The following FUT8 variants were observed in gnomAD, a reference collection of about 807,000 sequenced individuals.
FUT8 encodes the protein fucosyltransferase 8, also known as alpha-(1,6)-fucosyltransferase.
FUT8 carries 29 observed loss-of-function variants against 71.3 expected under a neutral mutation model. The observed-to-expected ratio is 0.41, with a 90% CI of 0.30 to 0.55. The LOEUF (loss-of-function observed/expected upper bound fraction) is 0.55, where lower values mean the gene tolerates loss of function less well. Ranked by LOEUF, FUT8 falls within the 20% of genes least tolerant of loss-of-function variation. The probability of loss-of-function intolerance (pLI) is 0.34; values close to 1 mark genes in which losing one functional copy is unlikely to be tolerated. For synonymous variants in FUT8, 254 were observed against 239.3 expected (o/e 1.06, Z -0.57); for missense variants, 544 against 702.1 (o/e 0.77, Z 2.55).
At chr14:65,499,647 T>G (rs2066614458) in intron 2 of FUT8, among the ~76,000 whole-genome samples, 1 of 151,730 alleles carries the variant, frequency 6.6e-6, no homozygotes, top group Non-Finnish European at 1.5e-5. Flanking sequence ...GCCTCATATG[T>G]ATAAAAAATG....
In FUT8 at chr14:65,561,755, C is replaced by T. The variant is rs372888976; in HGVS notation, c.192C>T (p.Ala64=). 3.9e-5 allele frequency: 63 copies of T among 1,612,236 alleles called. No homozygotes were observed. The highest frequency in any genetic ancestry group is 1.6e-4 in the East Asian group (7 of 44,842). ...KQQNEDLRRM[A]ESLRIPEGPI... ...AGAATGAAGACTTGAGGCGAATGGC[C>T]GAATCTCTCCGGTAGGTCCTAAAAT... is the stretch of plus-strand genomic sequence containing the variant. The change falls in exon 3 of 11, where the codon GCC becomes GCT. Residue 64 remains alanine, a synonymous_variant. Transcript: ENST00000673929.
intron 2 of FUT8, among the ~76,000 whole-genome samples, chr14:65,485,402 T>G (rs2066394084): frequency 1.3e-5 from 2 of 152,188 alleles, no homozygotes. Flanking sequence ...ATTTGAGGCT[T>G]GCTTTTATGA....
chr14:65,452,374 G>T (rs1448472515), intron 1 of FUT8, among the ~76,000 whole-genome samples: 7 of 152,150 alleles, frequency 4.6e-5, no homozygotes, highest in African/African-American at 1.7e-4. Context: ...TTGCCGTCAA[G>T]CAGCAAAAGA....
chr14:65,714,175 G>A (rs542265656), intron 7 of FUT8, among the ~76,000 whole-genome samples: 1 of 152,244 alleles, frequency 6.6e-6, no homozygotes. Flanking sequence ...AAATGAGTCA[G>A]TGTCAATGTA....
chr14:65,439,954 G>GTGTATATA lies in FUT8; in HGVS notation c.-325-15666_-325-15665insGTATATAT. Among the ~76,000 whole-genome samples the GTGTATATA allele has an allele frequency of 6.8e-3, 506 of 74,870 alleles. 18 individuals are homozygous for GTGTATATA. The highest frequency in any genetic ancestry group is 0.02 in the African/African-American group (399 of 19,694). 49.1% of individuals were successfully genotyped at this position (74,870 alleles called of 152,430 possible). A position where few individuals can be genotyped will look rare whatever the true frequency, so the allele number is the denominator to read the frequency against. ...ATAAAGAAAATGTGTGTGTGTGTGT[G>GTGTATATA]TATATATATATATATATATATATAT... is the stretch of plus-strand genomic sequence containing the variant. On this transcript the variant is annotated intron_variant, in intron 1 of 10. Coordinates refer to ENST00000673929, the MANE Select transcript of FUT8 (RefSeq NM_001371533.1).
intron 1 of FUT8, among the ~76,000 whole-genome samples, chr14:65,424,848 C>T (rs2065358898): frequency 6.6e-6 from 1 of 151,878 alleles, no homozygotes; most frequent in Admixed American, 6.6e-5. Context: ...TTTGTAGAGA[C>T]AGGGTTTTGC....
At chr14:65,544,149 G>T (rs1566813833) in intron 2 of FUT8, among the ~76,000 whole-genome samples, 1 of 152,094 alleles carries the variant, frequency 6.6e-6, no homozygotes, top group Admixed American at 6.6e-5. Context: ...AAGGTGGAAG[G>T]AATAGCAAGA....
At chr14:65,614,238 G>C (rs1889165603) in intron 3 of FUT8, among the ~76,000 whole-genome samples, 1 of 152,082 alleles carries the variant, frequency 6.6e-6, no homozygotes, top group Non-Finnish European at 1.5e-5. Flanking sequence ...TGAGATTACA[G>C]CTCATCTCTA....
chr14:65,588,758 A>G (rs1214630406), intron 3 of FUT8, among the ~76,000 whole-genome samples: 1 of 152,154 alleles, frequency 6.6e-6, no homozygotes, highest in Admixed American at 6.5e-5. Context: ...TTCACCTAAC[A>G]TTTATTACAT....
rs559540800 is a variant in FUT8 at position 65,466,357 on chromosome 14, T to C, written c.-228+10639T>C. Among the ~76,000 whole-genome samples the C allele has an allele frequency of 7.9e-4, 121 of 152,360 alleles. No homozygotes were observed. The Middle Eastern group carries it at 0.01, about 13-fold the overall frequency. ...CTCATTGTCCTTGTTCTTTCTTTTT[T>C]CGTCTTTCACTTTGTCTCTGCCTTC... On this transcript the variant is annotated intron_variant, in intron 2 of 10. Coordinates refer to ENST00000673929, the MANE Select transcript of FUT8 (RefSeq NM_001371533.1).
chr14:65,390,282 C>T, the FUT8 span, among the ~76,000 whole-genome samples: 4 of 147,262 alleles, frequency 2.7e-5, no homozygotes, highest in Non-Finnish European at 6.0e-5. Flanking sequence ...GAGATTGTGC[C>T]ACTGCACTCC....
At chr14:65,644,550 A>G (rs1280417924) in intron 6 of FUT8, among the ~76,000 whole-genome samples, 1 of 151,546 alleles carries the variant, frequency 6.6e-6, no homozygotes, top group Non-Finnish European at 1.5e-5. Context: ...TTTAGTAGAG[A>G]CGGGGTTTCA....
chr14:65,417,312 AT>A (rs11284050), intron 1 of FUT8, among the ~76,000 whole-genome samples: 102,531 of 151,780 alleles, frequency 0.68, 34,872 homozygotes, highest in East Asian at 0.86. Flanking sequence ...ATCTCCTGGC[AT>A]TTTTTTCCTT....
upstream of FUT8, among the ~76,000 whole-genome samples, chr14:65,410,183 T>A (rs1237912525): frequency 6.6e-6 from 1 of 152,080 alleles, no homozygotes; most frequent in African/African-American, 2.4e-5. Flanking sequence ...CTGGAGAGAG[T>A]AAAATAAATG....
chr14:65,609,622 T>C (rs1287237924), intron 3 of FUT8, among the ~76,000 whole-genome samples: 3 of 152,006 alleles, frequency 2.0e-5, no homozygotes, highest in Non-Finnish European at 4.4e-5. Context: ...TCTGTCTTTA[T>C]ACTAGTACCT....
intron 3 of FUT8, among the ~76,000 whole-genome samples, chr14:65,613,941 G>T (rs763256061): frequency 5.9e-5 from 9 of 151,870 alleles, no homozygotes; most frequent in Admixed American, 5.9e-4. Context: ...ATGAAACCCC[G>T]TCTCTACTAA....
intron 7 of FUT8, among the ~76,000 whole-genome samples, chr14:65,707,196 A>G (rs1397168521): frequency 1.3e-5 from 2 of 152,146 alleles, no homozygotes; most frequent in Non-Finnish European, 2.9e-5. Context: ...GGTAATAGCT[A>G]TTCTAACAGG....
At chr14:65,694,252 T>C (rs1044031632) in intron 7 of FUT8, among the ~76,000 whole-genome samples, 3 of 152,114 alleles carry the variant, frequency 2.0e-5, no homozygotes, top group Non-Finnish European at 4.4e-5. Context: ...TATGGAAGCT[T>C]AGATAATTGG....
intron 2 of FUT8, among the ~76,000 whole-genome samples, chr14:65,503,435 CT>C (rs897705523): frequency 3.9e-5 from 6 of 152,324 alleles, no homozygotes; most frequent in African/African-American, 1.4e-4. Flanking sequence ...CATTTCTCTG[CT>C]TTTGACAGTT....
Sources: gnomAD v4.1 joint callset for allele counts (sites outside exome capture counted in the v4.1 genomes callset) on GRCh38, gnomAD v4.1.1 for gene constraint, MANE v1.5 for transcripts, NCBI Gene and HGNC (gene_info 2026-07-23, HGNC 2026-07-21) for gene names.